AHRR: variants seen among roughly 807,000 people sequenced by gnomAD.
The protein encoded by AHRR is aryl hydrocarbon receptor repressor, also known as ahR repressor.
A neutral mutation model predicts 44.0 loss-of-function variants in AHRR; 28 were observed. The observed-to-expected ratio is 0.64, with a 90% CI of 0.47 to 0.87. AHRR has a LOEUF of 0.87. AHRR is among the 40% of genes least tolerant of loss of function. The pLI, the probability that AHRR is intolerant of heterozygous loss-of-function variation, is 0.00. For synonymous variants in AHRR, 434 were observed against 407.0 expected (o/e 1.07, Z -0.80); for missense variants, 990 against 953.9 (o/e 1.04, Z -0.50).
intron 2 of AHRR, among the ~76,000 whole-genome samples, chr5:351,417 G>T (rs1257561222): frequency 1.3e-5 from 2 of 152,238 alleles, no homozygotes; most frequent in South Asian, 2.1e-4. Context: ...ATATTACTCA[G>T]CCCTGAAAAG....
intron 4 of AHRR, among the ~76,000 whole-genome samples, chr5:381,101 C>T (rs1056503104): frequency 6.6e-6 from 1 of 152,354 alleles, no homozygotes; most frequent in Non-Finnish European, 1.5e-5. Flanking sequence ...GAACAGAAAG[C>T]AAATTCTCCT....
At chr5:415,666 A>AGTCTCCCTGGTCGGGCGGG (rs1560916417) in intron 5 of AHRR, among the ~76,000 whole-genome samples, 1 of 135,210 alleles carries the variant, frequency 7.4e-6, no homozygotes. Context: ...CTAGGGGCCG[A>AGTCTCCCTGGTCGGGCGGG]ATCTGCCTGG....
rs1735266014 is a variant in AHRR at position 406,505 on chromosome 5, T to C, written c.352-6839T>C. ...TCAAAATAAAGGGGGATCAGGTGGCTGGTCCACTTGTTCTTAGAAGGAAAT... is the reference window on the plus strand; with the variant it reads ...TCAAAATAAAGGGGGATCAGGTGGCCGGTCCACTTGTTCTTAGAAGGAAAT... On this transcript the variant is annotated intron_variant, in intron 4 of 10. Transcript: ENST00000684583. The surrounding 1 kb of genome is among the most constrained non-coding windows in gnomAD (Gnocchi z 4.7). 6.6e-6 allele frequency among the ~76,000 whole-genome samples: 1 copy of C among 152,250 alleles called. No individual in the cohort carries two copies.
chr5:374,111 G>A (rs1366089047), intron 3 of AHRR, among the ~76,000 whole-genome samples: 2 of 152,240 alleles, frequency 1.3e-5, no homozygotes, highest in East Asian at 3.9e-4. Context: ...TGGCTGCACC[G>A]GCCGCCTGGG....
intron 1 of AHRR, among the ~76,000 whole-genome samples, chr5:330,997 C>G (rs1486179711): frequency 6.6e-6 from 1 of 151,700 alleles, no homozygotes; most frequent in African/African-American, 2.4e-5. Context: ...CTGCCTCAGC[C>G]TCCCGAGTAG....
At chr5:376,881 T>A (rs544514830) in intron 4 of AHRR, among the ~76,000 whole-genome samples, 165 bp downstream of exon 4, 22 of 152,076 alleles carry the variant, frequency 1.4e-4, no homozygotes, top group Non-Finnish European at 1.2e-4. Context: ...CAAAATCTGT[T>A]GAAGAAGGGT....
chr5:354,937 G>A (rs1169567137), intron 3 of AHRR, among the ~76,000 whole-genome samples: 3 of 152,320 alleles, frequency 2.0e-5, no homozygotes, highest in South Asian at 2.1e-4. Flanking sequence ...ATCACGCGCC[G>A]TGTCCTGCCA....
In AHRR at chr5:434,177, C is replaced by T; in HGVS notation, c.1437C>T (p.Pro479=). 1 of 1,598,156 alleles carries T rather than the reference C, an allele frequency of 6.3e-7. No homozygotes were observed. Among genetic ancestry groups the T allele is most frequent in the Non-Finnish European group, 8.5e-7 (1 of 1,172,432 alleles). The part of the protein sequence containing the change: ...RDVGEDQVHP[P]LCHFPQRSLQ... ...TCGGTGAGGACCAGGTGCACCCTCC[C>T]CTCTGCCACTTTCCCCAGAGGAGCC... Residue 479 remains proline, a synonymous_variant, in exon 11 of 11, where the codon CCC becomes CCT. Coordinates refer to ENST00000684583, the MANE Select transcript of AHRR (RefSeq NM_001377236.1).
At chr5:425,796 C>T (rs889031678) in intron 7 of AHRR, among the ~76,000 whole-genome samples, 1 of 152,190 alleles carries the variant, frequency 6.6e-6, no homozygotes, top group Non-Finnish European at 1.5e-5. Flanking sequence ...GTGTCTGATT[C>T]TGTTTTCCCA....
At chr5:376,579 G>A in intron 3 of AHRR, 31 bp from the exon 4 acceptor site, 1 of 285,804 alleles carries the variant, frequency 3.5e-6, no homozygotes. Context: ...AAGGGTTGGG[G>A]GTGCCTAATG....
intron 1 of AHRR, among the ~76,000 whole-genome samples, chr5:339,524 G>A (rs1394511885): frequency 2.0e-5 from 3 of 151,950 alleles, no homozygotes; most frequent in Admixed American, 6.6e-5. Context: ...CCAGTTTTGA[G>A]ACTTTTACTT....
rs72717413 is a variant in AHRR, at chr5:429,326, G to T, written c.908+1320G>T. On this transcript the variant is annotated intron_variant, in intron 8 of 10. Transcript: ENST00000684583. The stretch of plus-strand genomic sequence containing the variant: ...AATCTTGCAGGAGTGAGGTAGGGCC[G>T]GGGCCGCCAGGATGCCGGAGATCCA... 5.7e-3 allele frequency among the ~76,000 whole-genome samples: 777 copies of T among 135,772 alleles called. 9 individuals are homozygous for T. Among genetic ancestry groups the T allele is most frequent in the Non-Finnish European group, 9.6e-3 (584 of 60,600 alleles). The allele number at this position is 135,772 out of a possible 152,430, so 89.1% of individuals were successfully genotyped here.
At position 396,557 on chromosome 5, in the gene AHRR, G is replaced by A. The variant is rs562372999; in HGVS notation, c.352-16787G>A. Reference sequence around the variant, plus strand: ...ATCTCCTGGCCTGGCATTTTCTGCCGCTTCTTCGGCCTTTCTGCTAAGAGA... The same window carrying A: ...ATCTCCTGGCCTGGCATTTTCTGCCACTTCTTCGGCCTTTCTGCTAAGAGA... On this transcript the variant is annotated intron_variant, in intron 4 of 10. Coordinates refer to ENST00000684583, the MANE Select transcript of AHRR (RefSeq NM_001377236.1). 3.5e-4 allele frequency among the ~76,000 whole-genome samples: 54 copies of A among 152,340 alleles called. No homozygotes were observed. In the South Asian group the frequency reaches 9.3e-3, roughly 26 times the overall value.
intron 4 of AHRR, chr5:403,999 C>A: frequency 2.0e-6 from 2 of 1,023,466 alleles, no homozygotes; most frequent in South Asian, 2.6e-5. Context: ...TACAGTAATT[C>A]GAACTTGGTG....
rs913727813 is a variant in AHRR at position 415,042 on chromosome 5, A to G, written c.441+1609A>G. Among the ~76,000 whole-genome samples, 4 of 152,354 alleles carry G rather than the reference A, an allele frequency of 2.6e-5. 1 individual carries two copies. Among genetic ancestry groups the G allele is most frequent in the Admixed American group, 6.5e-5 (1 of 15,306 alleles). Reference sequence around the variant, plus strand: ...ACCCTCAGTGGCACGGGGTGGGGCCATGGCCGGGGCAGTGGAGAAGTTCCC... The same window carrying G: ...ACCCTCAGTGGCACGGGGTGGGGCCGTGGCCGGGGCAGTGGAGAAGTTCCC... On this transcript the variant is annotated intron_variant, in intron 5 of 10. Coordinates refer to ENST00000684583, the MANE Select transcript of AHRR (RefSeq NM_001377236.1).
intron 3 of AHRR, among the ~76,000 whole-genome samples, chr5:361,287 C>CCAT (rs2126408542): frequency 6.6e-6 from 1 of 152,308 alleles, no homozygotes; most frequent in Admixed American, 6.5e-5. Context: ...GGTGAAACAG[C>CCAT]CATTGGATAG....
At chr5:398,006 TAGCCCCTGACCATCCACG>T (rs1734823693) in intron 4 of AHRR, among the ~76,000 whole-genome samples, 8 of 135,480 alleles carry the variant, frequency 5.9e-5, no homozygotes, top group Non-Finnish European at 8.1e-5. Context: ...ACCATCCACG[TAGCCCCTGACCATCCACG>T]TAGCTCCTGA....
chr5:329,215 T>C (rs931313271), intron 1 of AHRR, among the ~76,000 whole-genome samples: 1 of 152,208 alleles, frequency 6.6e-6, no homozygotes, highest in African/African-American at 2.4e-5. Context: ...CTCTCTTTTT[T>C]GCTTCGAGAT....
intron 4 of AHRR, among the ~76,000 whole-genome samples, chr5:398,101 GTAGCTCCTGACCA>G (rs1560907533): frequency 3.5e-4 from 39 of 111,916 alleles, no homozygotes; most frequent in African/African-American, 2.1e-3. Context: ...GACCATCCAC[GTAGCTCCTGACCA>G]TCCACGTAGC....
Sources: gnomAD v4.1 joint callset for allele counts (sites outside exome capture counted in the v4.1 genomes callset) on GRCh38, gnomAD v4.1.1 for gene constraint, Gnocchi (gnomAD v3.1) non-coding constraint, MANE v1.5 for transcripts, NCBI Gene and HGNC (gene_info 2026-07-23, HGNC 2026-07-21) for gene names.